CYP2C19: variants seen among roughly 807,000 people sequenced by gnomAD.
CYP2C19 encodes the protein cytochrome P450 family 2 subfamily C member 19.
In CYP2C19, 59 loss-of-function variants were observed where a neutral mutation model predicts 40.9. The ratio of observed to expected loss-of-function variants is 1.44; its 90% CI spans 1.17 to 1.79. The LOEUF (loss-of-function observed/expected upper bound fraction) is 1.79, where lower values mean the gene tolerates loss of function less well. Ranked by LOEUF, CYP2C19 falls within the 40% of genes most tolerant of loss-of-function variation. CYP2C19 has a pLI of 0.00. For synonymous variants in CYP2C19, 253 were observed against 208.7 expected, an observed-to-expected ratio of 1.21 and a Z score of -1.83; for missense variants, 754 against 596.9, an observed-to-expected ratio of 1.26 and a Z score of -2.74.
At chr10:94,794,401 G>GT (rs928881411) in intron 5 of CYP2C19, among the ~76,000 whole-genome samples, 4 of 152,154 alleles carry the variant, frequency 2.6e-5, no homozygotes, top group Admixed American at 6.6e-5. Context: ...CAGTGCCTCA[G>GT]TTGGAAATGC....
intron 5 of CYP2C19, among the ~76,000 whole-genome samples, chr10:94,787,844 A>G (rs1383077089): frequency 6.6e-6 from 1 of 151,878 alleles, no homozygotes; most frequent in Non-Finnish European, 1.5e-5. Context: ...TGCTTTGGCT[A>G]CTTGGGCTCT....
In CYP2C19 at chr10:94,855,519, A is replaced by T. The variant is rs180948009; in HGVS notation, c.*2605A>T. Among the ~76,000 whole-genome samples the T allele has an allele frequency of 6.6e-6, 1 of 152,232 alleles. No homozygotes were observed. Among genetic ancestry groups the T allele is most frequent in the Non-Finnish European group, 1.5e-5 (1 of 68,042 alleles). On this transcript the variant is annotated 3_prime_UTR_variant, in exon 9 of 9. Coordinates refer to ENST00000371321, the MANE Select transcript of CYP2C19 (RefSeq NM_000769.4). ...CCAGCCACCTGAAACACTGTTTAGA[A>T]GATACTGGCTCAATAAATATTTAAT...
chr10:94,830,910 T>G (rs1849323985), intron 6 of CYP2C19, among the ~76,000 whole-genome samples: 1 of 152,036 alleles, frequency 6.6e-6, no homozygotes, highest in Non-Finnish European at 1.5e-5. Flanking sequence ...TACAAACAAT[T>G]CAATTACACT....
intron 7 of CYP2C19, 52 bp from the exon 8 acceptor site, chr10:94,849,865 A>C (rs1009593395): frequency 1.2e-6 from 2 of 1,607,412 alleles, no homozygotes; most frequent in Non-Finnish European, 8.5e-7. Context: ...ACTGTTTCTT[A>C]AACCTTCGTG....
At chr10:94,792,477 T>A (rs369180780) in intron 5 of CYP2C19, among the ~76,000 whole-genome samples, 61 of 152,308 alleles carry the variant, frequency 4.0e-4, no homozygotes, top group African/African-American at 1.3e-3. Flanking sequence ...GACACTTTTT[T>A]ACAGTGGCTC....
chr10:94,774,985 T>A, intron 1 of CYP2C19, 73 bp from the exon 2 acceptor site: 1 of 1,479,236 alleles, frequency 6.8e-7, no homozygotes, highest in Non-Finnish European at 9.3e-7. Flanking sequence ...AATGAAAATA[T>A]GAATCTAAGT....
At chr10:94,839,891 G>C (rs1399911503) in intron 6 of CYP2C19, among the ~76,000 whole-genome samples, 6 of 152,312 alleles carry the variant, frequency 3.9e-5, no homozygotes, top group South Asian at 4.1e-4. Context: ...GCTGGGTTAA[G>C]GGAATTATCA....
intron 4 of CYP2C19, among the ~76,000 whole-genome samples, chr10:94,781,199 T>A (rs968891474): frequency 6.6e-6 from 1 of 152,084 alleles, no homozygotes; most frequent in African/African-American, 2.4e-5. Context: ...AATGAAAAAA[T>A]TATTGTTTTT....
rs181820390 is a variant in CYP2C19, at chr10:94,771,048, G to A, written c.169-4010G>A. 6.0e-4 allele frequency among the ~76,000 whole-genome samples: 91 copies of A among 152,214 alleles called. 4 individuals are homozygous for A. The East Asian group carries it at 0.017, about 28-fold the overall frequency. On this transcript the variant is annotated intron_variant, in intron 1 of 8. Coordinates refer to ENST00000371321, the MANE Select transcript of CYP2C19 (RefSeq NM_000769.4). ...GCATGACATCTCTCCAAGTGAGATC[G>A]AAGGTTTGCCCTAGACCCTGTAGGA... is the stretch of plus-strand genomic sequence containing the variant.
chr10:94,847,771 T>A (rs983692515), intron 7 of CYP2C19, among the ~76,000 whole-genome samples: 3 of 152,196 alleles, frequency 2.0e-5, no homozygotes, highest in Non-Finnish European at 4.4e-5. Context: ...ATCGCCATTC[T>A]AACTGGTGTG....
intron 7 of CYP2C19, among the ~76,000 whole-genome samples, chr10:94,844,271 A>G (rs905351777): frequency 6.6e-6 from 1 of 152,172 alleles, no homozygotes; most frequent in Non-Finnish European, 1.5e-5. Flanking sequence ...ATTTCAGAGG[A>G]TGTTTATATT....
At chr10:94,801,397 G>T (rs1050523842) in intron 5 of CYP2C19, among the ~76,000 whole-genome samples, 2 of 152,162 alleles carry the variant, frequency 1.3e-5, no homozygotes, top group African/African-American at 4.8e-5. Context: ...ATGTCATCAT[G>T]CAGTTTTGAG....
intron 1 of CYP2C19, among the ~76,000 whole-genome samples, chr10:94,768,959 G>T (rs1589816888): frequency 6.6e-6 from 1 of 152,086 alleles, no homozygotes; most frequent in African/African-American, 2.4e-5. Flanking sequence ...GAGTACAGAG[G>T]GGCCTGGCTA....
At chr10:94,787,341 T>C (rs1365741031) in intron 5 of CYP2C19, among the ~76,000 whole-genome samples, 1 of 152,124 alleles carries the variant, frequency 6.6e-6, no homozygotes. Context: ...AATGAAGTTA[T>C]TTGTTTTTTA....
intron 5 of CYP2C19, among the ~76,000 whole-genome samples, chr10:94,796,669 A>C (rs577187017): frequency 6.6e-6 from 1 of 152,190 alleles, no homozygotes; most frequent in South Asian, 2.1e-4. Flanking sequence ...GTTTTATTTC[A>C]TTGAGCAGTG....
At chr10:94,773,922 C>T (rs1848369514) in intron 1 of CYP2C19, 1 of 152,096 alleles carries the variant, frequency 6.6e-6, no homozygotes, top group Non-Finnish European at 1.5e-5. Flanking sequence ...CTGATTGGTC[C>T]ATTTTACAGA....
intron 6 of CYP2C19, among the ~76,000 whole-genome samples, chr10:94,834,831 C>T (rs1436625516): frequency 6.6e-6 from 1 of 152,188 alleles, no homozygotes; most frequent in Non-Finnish European, 1.5e-5. Context: ...GAAGTGGTCA[C>T]CTTCCCAGGT....
chr10:94,773,106 G>A (rs765911659), intron 1 of CYP2C19, among the ~76,000 whole-genome samples: 1 of 152,176 alleles, frequency 6.6e-6, no homozygotes, highest in Admixed American at 6.5e-5. Context: ...CTGGCTGACA[G>A]GTGCCCAGTA....
At chr10:94,822,120 T>G (rs1015170889) in intron 6 of CYP2C19, among the ~76,000 whole-genome samples, 3 of 152,164 alleles carry the variant, frequency 2.0e-5, no homozygotes, top group Non-Finnish European at 4.4e-5. Flanking sequence ...AAGACATGAT[T>G]TTTGTTCTTT....
Sources: allele counts gnomAD v4.1 joint callset (sites outside exome capture counted in the v4.1 genomes callset), GRCh38; gene constraint gnomAD v4.1.1; transcripts MANE v1.5; gene names NCBI Gene and HGNC (gene_info 2026-07-23, HGNC 2026-07-21).